PLXNA4: variants seen among roughly 807,000 people sequenced by gnomAD.
PLXNA4 encodes the protein plexin-A4.
Under a neutral mutation model 191.8 loss-of-function variants are expected in PLXNA4, and 44 were observed. The observed-to-expected ratio is 0.23, with a 90% CI of 0.18 to 0.29. PLXNA4 has a LOEUF of 0.29. Ranked by LOEUF, PLXNA4 falls within the 10% of genes least tolerant of loss-of-function variation. PLXNA4 has a pLI of 1.00. For synonymous variants in PLXNA4, 1,082 were observed against 1,009.5 expected (o/e 1.07, Z -1.36); for missense variants, 1,800 against 2,488.8 (o/e 0.72, Z 5.89).
intron 31 of PLXNA4, among the ~76,000 whole-genome samples, chr7:132,131,445 G>A (rs986810268): frequency 1.3e-5 from 2 of 152,116 alleles, no homozygotes; most frequent in Admixed American, 6.5e-5. Context: ...CCTGCCCCCC[G>A]AGAGGCACTA....
At chr7:132,507,421 T>C in intron 2 of PLXNA4, 85 bp downstream of exon 2, 1 of 1,416,028 alleles carries the variant, frequency 7.1e-7, no homozygotes, top group Admixed American at 2.3e-5. Flanking sequence ...AGGGGAAGGA[T>C]GATACACATC....
chr7:132,146,943 C>T (rs887820769), intron 27 of PLXNA4, among the ~76,000 whole-genome samples: 3 of 152,238 alleles, frequency 2.0e-5, no homozygotes, highest in African/African-American at 7.2e-5. Context: ...TTCCTGTACT[C>T]TGCATCGTGT....
intron 3 of PLXNA4, among the ~76,000 whole-genome samples, chr7:132,317,900 G>T (rs1802008277): frequency 6.6e-6 from 1 of 152,214 alleles, no homozygotes; most frequent in Admixed American, 6.5e-5. Flanking sequence ...AGAGCAGGGA[G>T]TGGAGAACAA....
chr7:132,265,464 A>G (rs944682436), intron 4 of PLXNA4, among the ~76,000 whole-genome samples: 1 of 152,212 alleles, frequency 6.6e-6, no homozygotes, highest in African/African-American at 2.4e-5. Context: ...GTCAATTGGC[A>G]TCATGAATCT....
Position 132,325,066 on chromosome 7 carries a change from C to T in PLXNA4, c.1372-26844G>A, listed in dbSNP as rs144814155. 1.6e-4 allele frequency among the ~76,000 whole-genome samples: 24 copies of T among 152,300 alleles called. No individual in the cohort carries two copies. The East Asian group carries it at 4.6e-3, about 29-fold the overall frequency. ...CTGTAACGCATCAGACACCTGCCCCCACCTGCCTTCACCTCCGGGCTCCTC... is the reference window on the plus strand; with the variant it reads ...CTGTAACGCATCAGACACCTGCCCCTACCTGCCTTCACCTCCGGGCTCCTC... On this transcript the variant is annotated intron_variant, in intron 3 of 31. Coordinates refer to ENST00000321063, the MANE Select transcript of PLXNA4 (RefSeq NM_020911.2).
At chr7:132,232,367 C>T (rs1399800682) in intron 5 of PLXNA4, among the ~76,000 whole-genome samples, 1 of 152,156 alleles carries the variant, frequency 6.6e-6, no homozygotes, top group Non-Finnish European at 1.5e-5. Context: ...TACTGTGTGA[C>T]TTGGAGTTTT....
In PLXNA4 at chr7:132,179,745, C is replaced by T. The variant is rs774451488; in HGVS notation, c.3816G>A (p.Lys1272=). Residue 1272 remains lysine, a synonymous_variant, in exon 20 of 32, where the codon AAG becomes AAA. Transcript: ENST00000321063. ...RKSRESDLTL[K]RLQMQMDNLE... ...GGTTGTCCATCTGCATCTGCAGCCG[C>T]TTCAGCGTGAGGTCACTTTCGCGGG... The T allele has an allele frequency of 2.5e-6, 4 of 1,614,192 alleles. No individual in the cohort carries two copies. The highest frequency in any genetic ancestry group is 2.2e-5 in the South Asian group (2 of 91,088).
chr7:132,354,864 T>A (rs1803635898), intron 3 of PLXNA4, among the ~76,000 whole-genome samples: 1 of 152,238 alleles, frequency 6.6e-6, no homozygotes, highest in South Asian at 2.1e-4. Context: ...GAGCCCCTTT[T>A]CAGCATGAGC....
chr7:132,438,792 A>G (rs1044079993), intron 3 of PLXNA4, among the ~76,000 whole-genome samples: 32 of 152,202 alleles, frequency 2.1e-4, no homozygotes, highest in African/African-American at 6.8e-4. Context: ...TTGGTCTAAT[A>G]GCTTTTTTTT....
At chr7:132,564,358 TCTCCTCCTCCTCCTTCTC>T (rs1438660953) in intron 1 of PLXNA4, among the ~76,000 whole-genome samples, 25 of 78,842 alleles carry the variant, frequency 3.2e-4, no homozygotes, top group African/African-American at 1.3e-3. Flanking sequence ...TTCTCCTCTT[TCTCCTCCTCCTCCTTCTC>T]CTCCTCCTCC....
In PLXNA4 at chr7:132,227,551, G is replaced by T. The variant is rs201323101; in HGVS notation, c.1782C>A (p.Thr594=). Residue 594 remains threonine (T), a synonymous_variant, in exon 7 of 32, where the codon ACC becomes ACA. Transcript: ENST00000321063. Reference sequence around the variant, plus strand: ...CATCCATCTCTGACAGGTCCTCAAAGGTGCAGTTGACGCCAGCTGACAGCT... The same window carrying T: ...CATCCATCTCTGACAGGTCCTCAAATGTGCAGTTGACGCCAGCTGACAGCT... ...VPELSAGVNC[T]FEDLSEMDGL... 8 of 1,614,172 alleles carry T rather than the reference G, an allele frequency of 5.0e-6. No homozygotes were observed. The highest frequency in any genetic ancestry group is 3.3e-5 in the Admixed American group (2 of 60,026).
intron 13 of PLXNA4, among the ~76,000 whole-genome samples, chr7:132,197,357 A>G (rs1797283740): frequency 6.6e-6 from 1 of 152,216 alleles, no homozygotes; most frequent in South Asian, 2.1e-4. Context: ...ATTTGTATGC[A>G]TTAGCATTCT....
intron 3 of PLXNA4, among the ~76,000 whole-genome samples, chr7:132,314,841 CTTG>C (rs1383141318): frequency 6.6e-6 from 1 of 152,184 alleles, no homozygotes; most frequent in East Asian, 1.9e-4. Context: ...ATCATGCCAG[CTTG>C]TTGTGTTGCA....
chr7:132,369,825 T>A (rs1440151349), intron 3 of PLXNA4, among the ~76,000 whole-genome samples: 1 of 150,800 alleles, frequency 6.6e-6, no homozygotes, highest in Non-Finnish European at 1.5e-5. Context: ...TCCCAGCACT[T>A]TGGGAGGCTG....
At chr7:132,529,954 T>C (rs1289662968) in intron 1 of PLXNA4, among the ~76,000 whole-genome samples, 3 of 152,092 alleles carry the variant, frequency 2.0e-5, no homozygotes, top group Non-Finnish European at 4.4e-5. Flanking sequence ...GAACCACTGA[T>C]AGGCAAACCC....
chr7:132,363,202 C>G (rs1218733298), intron 3 of PLXNA4, among the ~76,000 whole-genome samples: 1 of 152,164 alleles, frequency 6.6e-6, no homozygotes, highest in African/African-American at 2.4e-5. Flanking sequence ...CCAGGCTGGT[C>G]TCGAACTCCT....
intron 3 of PLXNA4, among the ~76,000 whole-genome samples, chr7:132,355,088 G>A (rs1803644824): frequency 6.6e-6 from 1 of 152,208 alleles, no homozygotes; most frequent in Non-Finnish European, 1.5e-5. Flanking sequence ...TGCCTCTAGT[G>A]GTCAGGGCCC....
chr7:132,639,179 T>C (rs966316801), intron 2 of PLXNA4, among the ~76,000 whole-genome samples: 2 of 152,200 alleles, frequency 1.3e-5, no homozygotes, highest in African/African-American at 2.4e-5. Context: ...TGAGATTCAG[T>C]GCTGATCCAT....
intron 1 of PLXNA4, among the ~76,000 whole-genome samples, chr7:132,524,789 G>A (rs866816598): frequency 2.0e-5 from 3 of 152,002 alleles, no homozygotes; most frequent in East Asian, 1.9e-4. Flanking sequence ...GGATGGTATC[G>A]ATCTCCTGAC....
Sources: allele counts gnomAD v4.1 joint callset (sites outside exome capture counted in the v4.1 genomes callset), GRCh38; gene constraint gnomAD v4.1.1; transcripts MANE v1.5; gene names NCBI Gene and HGNC (gene_info 2026-07-23, HGNC 2026-07-21).